RPS6KC1: variants seen among roughly 807,000 people sequenced by gnomAD.
RPS6KC1 encodes the protein ribosomal protein S6 kinase C1, also known as inactive ribosomal protein S6 kinase delta-1.
A neutral mutation model predicts 103.8 loss-of-function variants in RPS6KC1; 54 were observed. That is an observed-to-expected ratio of 0.52 (90% CI 0.42 to 0.65). The LOEUF is 0.65. Ranked by LOEUF, RPS6KC1 falls within the 30% of genes least tolerant of loss-of-function variation. RPS6KC1 has a pLI of 0.00. For synonymous variants in RPS6KC1, 439 were observed against 438.7 expected (o/e 1.00, Z -0.01); for missense variants, 1,151 against 1,253.8 (o/e 0.92, Z 1.24).
At chr1:213,807,252 T>C in the RPS6KC1 span, among the ~76,000 whole-genome samples, 12 of 152,202 alleles carry the variant, frequency 7.9e-5, no homozygotes, top group South Asian at 8.3e-4. Context: ...CTGACAATTA[T>C]GTGTCTTGGA....
intron 10 of RPS6KC1, among the ~76,000 whole-genome samples, chr1:213,238,159 G>A (rs138639280): frequency 1.3e-5 from 2 of 152,248 alleles, no homozygotes; most frequent in East Asian, 1.9e-4. Flanking sequence ...TGATGTAAAT[G>A]TCATAAGGAG....
At chr1:213,707,443 A>G in the RPS6KC1 span, among the ~76,000 whole-genome samples, 1 of 152,048 alleles carries the variant, frequency 6.6e-6, no homozygotes, top group Non-Finnish European at 1.5e-5. Context: ...GATTCTAGAT[A>G]TTAGGCCTTT....
the RPS6KC1 span, among the ~76,000 whole-genome samples, chr1:213,419,871 A>G: frequency 1.7e-3 from 266 of 152,394 alleles, no homozygotes; most frequent in Middle Eastern, 0.01. Context: ...ACCCCTGCAC[A>G]GCACAGCAGG....
chr1:213,549,929 T>C, the RPS6KC1 span, among the ~76,000 whole-genome samples: 1 of 152,068 alleles, frequency 6.6e-6, no homozygotes, highest in African/African-American at 2.4e-5. Flanking sequence ...TGCTTCTACT[T>C]AAGCTTCTAG....
the RPS6KC1 span, among the ~76,000 whole-genome samples, chr1:213,569,948 G>T: frequency 6.6e-6 from 1 of 152,178 alleles, no homozygotes; most frequent in African/African-American, 2.4e-5. Context: ...AAGTCATTGT[G>T]CTCTTTGATC....
chr1:213,596,297 C>T, the RPS6KC1 span, among the ~76,000 whole-genome samples: 53 of 152,316 alleles, frequency 3.5e-4, no homozygotes, highest in Admixed American at 3.3e-4. Flanking sequence ...GGAGTCAACG[C>T]GAGTGGCTTT....
chr1:213,473,949 C>T, the RPS6KC1 span, among the ~76,000 whole-genome samples: 5 of 152,100 alleles, frequency 3.3e-5, no homozygotes, highest in Non-Finnish European at 5.9e-5. Flanking sequence ...AGTCACTGAC[C>T]TTAGACCTGT....
the RPS6KC1 span, among the ~76,000 whole-genome samples, chr1:213,443,025 A>G: frequency 6.6e-6 from 1 of 151,466 alleles, no homozygotes; most frequent in Non-Finnish European, 1.5e-5. Flanking sequence ...GGTAGCTGAC[A>G]CTATTAGATG....
the RPS6KC1 span, among the ~76,000 whole-genome samples, chr1:213,440,321 T>A: frequency 1.3e-5 from 2 of 152,090 alleles, no homozygotes; most frequent in Non-Finnish European, 2.9e-5. Flanking sequence ...CACAACCAAA[T>A]GATGTAAGAA....
chr1:213,541,411 G>A, the RPS6KC1 span, among the ~76,000 whole-genome samples: 2 of 151,900 alleles, frequency 1.3e-5, no homozygotes, highest in African/African-American at 4.8e-5. Flanking sequence ...CGTTCTGTTG[G>A]AAAAATGGCA....
chr1:213,205,564 A>ATATATATATATATATATATATG (rs2093324731), intron 8 of RPS6KC1, among the ~76,000 whole-genome samples: 1 of 140,994 alleles, frequency 7.1e-6, no homozygotes, highest in Non-Finnish European at 1.6e-5. Context: ...ATATATATAT[A>ATATATATATATATATATATATG]TATTTCAAAA....
At chr1:213,413,128 GA>G in the RPS6KC1 span, among the ~76,000 whole-genome samples, 1 of 152,088 alleles carries the variant, frequency 6.6e-6, no homozygotes, top group Non-Finnish European at 1.5e-5. Context: ...ATCTACTTTC[GA>G]AAATTTTTAA....
chr1:213,230,627 G>A (rs1387789984), intron 9 of RPS6KC1, 83 bp downstream of exon 9: 1 of 974,924 alleles, frequency 1.0e-6, no homozygotes. Flanking sequence ...CTAAGGTCAG[G>A]AGTTCGAGAC....
At chr1:213,437,759 T>G in the RPS6KC1 span, among the ~76,000 whole-genome samples, 4 of 151,978 alleles carry the variant, frequency 2.6e-5, no homozygotes, top group South Asian at 8.3e-4. Context: ...TGTTTTTTTT[T>G]GTTTATAATT....
intron 6 of RPS6KC1, 117 bp from the exon 7 acceptor site, chr1:213,167,741 A>AT: frequency 1.9e-6 from 1 of 512,870 alleles, no homozygotes; most frequent in South Asian, 4.1e-5. Flanking sequence ...CCAATTTTGA[A>AT]TATCTCTTCT....
chr1:213,637,647 C>T, the RPS6KC1 span, among the ~76,000 whole-genome samples: 2,646 of 152,114 alleles, frequency 0.017, 36 homozygotes, highest in Non-Finnish European at 0.021. Context: ...TGTACGAAAC[C>T]GTGAAACTAT....
the RPS6KC1 span, among the ~76,000 whole-genome samples, chr1:213,364,403 C>T: frequency 6.6e-6 from 1 of 152,184 alleles, no homozygotes; most frequent in African/African-American, 2.4e-5. Context: ...TTTCTTCTGT[C>T]ATGCTAAGGA....
chr1:213,424,251 A>G, the RPS6KC1 span, among the ~76,000 whole-genome samples: 2 of 152,230 alleles, frequency 1.3e-5, no homozygotes, highest in Non-Finnish European at 2.9e-5. Context: ...GCTTTCTACG[A>G]ACATCCCTGT....
At chr1:213,324,993 TC>T in the RPS6KC1 span, among the ~76,000 whole-genome samples, 2 of 152,134 alleles carry the variant, frequency 1.3e-5, no homozygotes, top group African/African-American at 4.8e-5. Context: ...AGGACCTCAA[TC>T]TCACCCAGGC....
Sources: allele counts gnomAD v4.1 joint callset (sites outside exome capture counted in the v4.1 genomes callset), GRCh38; gene constraint gnomAD v4.1.1; transcripts MANE v1.5; gene names NCBI Gene and HGNC (gene_info 2026-07-23, HGNC 2026-07-21).